Variants in CEP170 observed in about 807,000 individuals in gnomAD.
CEP170 encodes centrosomal protein of 170 kDa.
CEP170 carries 21 observed loss-of-function variants against 151.9 expected under a neutral mutation model. The observed-to-expected ratio is 0.14, with a 90% CI of 0.10 to 0.20. CEP170 has a LOEUF of 0.20. Among genes scored for constraint, CEP170 ranks in the 10% least tolerant of loss-of-function variants. The pLI is 1.00. For synonymous variants in CEP170, 356 were observed against 648.8 expected (o/e 0.55, Z 6.86); for missense variants, 964 against 1,892.9 (o/e 0.51, Z 9.11).
intron 14 of CEP170, among the ~76,000 whole-genome samples, chr1:243,148,072 G>C (rs944995883): frequency 2.0e-5 from 3 of 151,562 alleles, no homozygotes; most frequent in African/African-American, 4.9e-5. Context: ...CCAGCTACTC[G>C]GGAGGCTGAG....
intron 14 of CEP170, among the ~76,000 whole-genome samples, chr1:243,147,365 A>T (rs1460205175): frequency 6.6e-6 from 1 of 152,208 alleles, no homozygotes. Flanking sequence ...CTTTTTTATT[A>T]GACAGCACAT....
chr1:243,237,428 T>C (rs184644046), intron 1 of CEP170, among the ~76,000 whole-genome samples: 3 of 152,306 alleles, frequency 2.0e-5, no homozygotes, highest in Admixed American at 6.5e-5. Flanking sequence ...CTCTAGCTAG[T>C]TCAGCTCTCA....
intron 3 of CEP170, among the ~76,000 whole-genome samples, chr1:243,219,211 A>C (rs1273654296): frequency 6.6e-6 from 1 of 152,358 alleles, no homozygotes; most frequent in African/African-American, 2.4e-5. Flanking sequence ...TTTAATCCTC[A>C]TAACAATACT....
At chr1:243,160,630 T>C (rs1572349943) in intron 13 of CEP170, among the ~76,000 whole-genome samples, 2 of 152,232 alleles carry the variant, frequency 1.3e-5, no homozygotes, top group South Asian at 4.1e-4. Context: ...AAAACACACA[T>C]TGCATCTTCA....
chr1:243,180,668 C>T (rs540875588), intron 10 of CEP170, among the ~76,000 whole-genome samples: 1 of 152,280 alleles, frequency 6.6e-6, no homozygotes, highest in South Asian at 2.1e-4. Flanking sequence ...CTGGCTCTTA[C>T]TTGGATCTCA....
At chr1:243,194,183 G>A (rs1044143881) in intron 7 of CEP170, among the ~76,000 whole-genome samples, 9 of 151,862 alleles carry the variant, frequency 5.9e-5, no homozygotes, top group African/African-American at 2.2e-4. Context: ...CCAAGTGGTA[G>A]AGACAAGATG....
intron 7 of CEP170, 77 bp from the exon 8 acceptor site, chr1:243,191,571 G>A: frequency 8.2e-7 from 1 of 1,218,462 alleles, no homozygotes; most frequent in Admixed American, 2.2e-5. Flanking sequence ...ATGGCCATGT[G>A]TACTACTCCG....
At chr1:243,135,836 G>C (rs2055002715) in intron 17 of CEP170, 1 of 163,266 alleles carries the variant, frequency 6.1e-6, no homozygotes, top group African/African-American at 2.4e-5. Flanking sequence ...TATTTGTGTG[G>C]AATATTACAA....
intron 1 of CEP170, among the ~76,000 whole-genome samples, chr1:243,231,218 ATTT>A (rs1179684364): frequency 6.6e-6 from 1 of 150,386 alleles, no homozygotes; most frequent in African/African-American, 2.4e-5. Flanking sequence ...CATCATTATT[ATTT>A]TTTTTAAGCA....
chr1:243,207,677 C>G (rs575060989), intron 4 of CEP170, among the ~76,000 whole-genome samples: 4 of 150,928 alleles, frequency 2.7e-5, no homozygotes, highest in African/African-American at 9.8e-5. Flanking sequence ...TTGAGACATA[C>G]AAAGTATGTT....
chr1:243,145,655 C>T (rs2056389739), intron 14 of CEP170, among the ~76,000 whole-genome samples: 1 of 152,092 alleles, frequency 6.6e-6, no homozygotes, highest in Non-Finnish European at 1.5e-5. Context: ...CACACATGAA[C>T]CTCTGGAATT....
chr1:243,244,161 T>C lies in CEP170; in HGVS notation c.-42+10879A>G, dbSNP rs2065131925. ...TTGAAATGCATCAAAATACAAGATATGCTGATGAATGGAATGATAAATAAA... is the reference window on the plus strand; with the variant it reads ...TTGAAATGCATCAAAATACAAGATACGCTGATGAATGGAATGATAAATAAA... On this transcript the variant is annotated intron_variant, in intron 1 of 19. Transcript: ENST00000366542. 3.9e-5 allele frequency among the ~76,000 whole-genome samples: 6 copies of C among 152,248 alleles called. No individual in the cohort carries two copies. In the South Asian group the frequency reaches 1.0e-3, roughly 26 times the overall value.
intron 1 of CEP170, among the ~76,000 whole-genome samples, chr1:243,242,244 A>G (rs752493239): frequency 6.6e-6 from 1 of 152,120 alleles, no homozygotes; most frequent in Non-Finnish European, 1.5e-5. Flanking sequence ...TTTTTGGGAC[A>G]GTCTCGCTCT....
chr1:243,140,635 C>CT (rs2055726679), intron 15 of CEP170: 1 of 152,416 alleles, frequency 6.6e-6, no homozygotes, highest in African/African-American at 2.4e-5. Flanking sequence ...GTCAAATAAA[C>CT]TTTTAACAAT....
chr1:243,179,099 T>C (rs796616294), intron 10 of CEP170, among the ~76,000 whole-genome samples: 58 of 152,364 alleles, frequency 3.8e-4, no homozygotes, highest in African/African-American at 1.3e-3. Context: ...CCTTGTGTCC[T>C]TGATTCTCCC....
chr1:243,200,144 TG>T (rs1157374386), intron 6 of CEP170, among the ~76,000 whole-genome samples: 1 of 151,858 alleles, frequency 6.6e-6, no homozygotes, highest in Non-Finnish European at 1.5e-5. Context: ...GATCTAGAGA[TG>T]ATTTAAAGTA....
intron 8 of CEP170, among the ~76,000 whole-genome samples, chr1:243,187,498 T>G (rs2060010626): frequency 6.6e-6 from 1 of 152,218 alleles, no homozygotes; most frequent in African/African-American, 2.4e-5. Context: ...TTAAACTTCT[T>G]TAGCTATGAA....
chr1:243,169,536 T>A lies in CEP170; in HGVS notation c.1843+92A>T, dbSNP rs542926199. ...TTTATAATAACAACTGATATATGAT[T>A]CACAAAAAAGCAGAGAAGAGTAAGA... On this transcript the variant is annotated intron_variant, in intron 12 of 19. Transcript: ENST00000366542. The A allele has an allele frequency of 2.0e-5, 29 of 1,485,998 alleles. No individual in the cohort carries two copies. In the South Asian group the frequency reaches 3.4e-4, roughly 17 times the overall value. 92.1% of individuals were successfully genotyped at this position (1,485,998 alleles called of 1,614,324 possible). A position where few individuals can be genotyped will look rare whatever the true frequency, so the allele number is the denominator to read the frequency against.
At chr1:243,239,015 C>G (rs1463764243) in intron 1 of CEP170, among the ~76,000 whole-genome samples, 1 of 152,152 alleles carries the variant, frequency 6.6e-6, no homozygotes, top group Non-Finnish European at 1.5e-5. Flanking sequence ...TATACATAAT[C>G]TCTTTGGGAC....
Sources: allele counts gnomAD v4.1 joint callset (sites outside exome capture counted in the v4.1 genomes callset), GRCh38; gene constraint gnomAD v4.1.1; transcripts MANE v1.5; gene names NCBI Gene and HGNC (gene_info 2026-07-23, HGNC 2026-07-21).